Variants in FHIT observed in about 807,000 individuals in gnomAD.
FHIT encodes the protein bis(5'-adenosyl)-triphosphatase.
FHIT carries 19 observed loss-of-function variants against 17.9 expected under a neutral mutation model. The observed-to-expected ratio is 1.06, with a 90% confidence interval of 0.74 to 1.56. FHIT has a LOEUF of 1.56. FHIT is among the 40% of genes most tolerant of loss of function. The pLI is 0.00. For missense variants in FHIT, 248 were observed against 189.2 expected, an observed-to-expected ratio of 1.31 and a Z score of -1.82; for synonymous variants, 81 against 69.7, an observed-to-expected ratio of 1.16 and a Z score of -0.81.
chr3:60,886,356 C>A (rs1705221953), intron 3 of FHIT, among the ~76,000 whole-genome samples: 1 of 152,174 alleles, frequency 6.6e-6, no homozygotes, highest in African/African-American at 2.4e-5. Flanking sequence ...ATGAGAAGAA[C>A]TTGAAAAACT....
chr3:59,912,034 ACT>A (rs1207242274), intron 8 of FHIT, among the ~76,000 whole-genome samples: 2 of 152,030 alleles, frequency 1.3e-5, no homozygotes, highest in East Asian at 1.9e-4. Context: ...TCTGTTTCTT[ACT>A]CTCTCTGTGT....
intron 8 of FHIT, among the ~76,000 whole-genome samples, chr3:59,844,479 T>G (rs1353134631): frequency 6.6e-6 from 1 of 151,756 alleles, no homozygotes; most frequent in African/African-American, 2.4e-5. Flanking sequence ...CTTTTCCTAG[T>G]TTGTTGAGTG....
At chr3:60,454,384 C>CA (rs2031949276) in intron 5 of FHIT, among the ~76,000 whole-genome samples, 2 of 144,152 alleles carry the variant, frequency 1.4e-5, no homozygotes, top group South Asian at 4.4e-4. Flanking sequence ...TTTAACCAAA[C>CA]TTTTTTTTTT....
rs570151516 is a variant in FHIT at position 60,085,355 on chromosome 3, T to G, written c.104-71203A>C. Among the ~76,000 whole-genome samples, 3 of 152,232 alleles carry G rather than the reference T, an allele frequency of 2.0e-5. No homozygotes were observed. In the South Asian group the frequency reaches 6.2e-4, roughly 32 times the overall value. On this transcript the variant is annotated intron_variant, in intron 5 of 9. Coordinates refer to ENST00000492590, the MANE Select transcript of FHIT (RefSeq NM_002012.4). ...GGCCCTACTACATCCTTTGCTTGGG[T>G]TTTTTTCCATATGACATCATTCTAC...
chr3:59,997,621 A>T (rs1200367405), intron 7 of FHIT, among the ~76,000 whole-genome samples: 3 of 152,194 alleles, frequency 2.0e-5, no homozygotes, highest in Admixed American at 6.5e-5. Flanking sequence ...GTGAACCTTA[A>T]AAACTAATGT....
chr3:59,899,549 G>C (rs1704229523), intron 8 of FHIT, among the ~76,000 whole-genome samples: 2 of 152,086 alleles, frequency 1.3e-5, no homozygotes, highest in South Asian at 4.1e-4. Flanking sequence ...ATCAGCTATT[G>C]TAGGCCAGGC....
intron 7 of FHIT, among the ~76,000 whole-genome samples, chr3:59,925,309 T>C (rs957894891): frequency 1.3e-5 from 2 of 152,140 alleles, no homozygotes; most frequent in Non-Finnish European, 2.9e-5. Context: ...TCTCACTATG[T>C]TGCCCAGTCT....
At chr3:60,059,831 A>G (rs917618714) in intron 5 of FHIT, among the ~76,000 whole-genome samples, 2 of 152,182 alleles carry the variant, frequency 1.3e-5, no homozygotes, top group African/African-American at 4.8e-5. Flanking sequence ...TAGCTTTGCA[A>G]TAAGTTTACC....
chr3:61,177,359 GC>G (rs1193933803), intron 2 of FHIT, among the ~76,000 whole-genome samples: 1 of 152,026 alleles, frequency 6.6e-6, no homozygotes, highest in Non-Finnish European at 1.5e-5. Flanking sequence ...ACAAGGGAAG[GC>G]ATGTAAAAAT....
At chr3:60,100,773 G>A (rs975594374) in intron 5 of FHIT, among the ~76,000 whole-genome samples, 1 of 152,122 alleles carries the variant, frequency 6.6e-6, no homozygotes, top group Non-Finnish European at 1.5e-5. Flanking sequence ...AAACAGTAGA[G>A]TCATGCTGGA....
intron 5 of FHIT, among the ~76,000 whole-genome samples, chr3:60,137,102 C>T (rs1699846908): frequency 6.6e-6 from 1 of 152,150 alleles, no homozygotes; most frequent in Non-Finnish European, 1.5e-5. Flanking sequence ...TAAGAACTAA[C>T]AAATCATTAC....
At position 60,702,733 on chromosome 3, in the gene FHIT, A is replaced by C. The variant is rs140222704; in HGVS notation, c.-18+119186T>G. On this transcript the variant is annotated intron_variant, in intron 4 of 9. Transcript: ENST00000492590. Reference sequence around the variant, plus strand: ...TTTTTGTTTGATTACAACAAGCAGAACCCATAACACAGTGCTAAGTAACAG... The same window carrying C: ...TTTTTGTTTGATTACAACAAGCAGACCCCATAACACAGTGCTAAGTAACAG... 4.4e-4 allele frequency among the ~76,000 whole-genome samples: 67 copies of C among 152,220 alleles called. 1 individual carries two copies. Among genetic ancestry groups the C allele is most frequent in the African/African-American group, 1.6e-3 (65 of 41,548 alleles).
chr3:60,170,133 C>T (rs950888288), intron 5 of FHIT, among the ~76,000 whole-genome samples: 3 of 152,080 alleles, frequency 2.0e-5, no homozygotes, highest in South Asian at 4.1e-4. Context: ...CTTTCCTGTG[C>T]GAGTTGGTCC....
At chr3:60,138,625 G>C (rs1478721186) in intron 5 of FHIT, among the ~76,000 whole-genome samples, 1 of 152,072 alleles carries the variant, frequency 6.6e-6, no homozygotes, top group Non-Finnish European at 1.5e-5. Context: ...CTATCTCCAA[G>C]TTTTGGATAG....
At chr3:60,921,129 G>C (rs782753544) in intron 3 of FHIT, among the ~76,000 whole-genome samples, 2 of 152,162 alleles carry the variant, frequency 1.3e-5, no homozygotes, top group African/African-American at 2.4e-5. Flanking sequence ...GCTAAGACTT[G>C]AAAGGCAAAC....
intron 5 of FHIT, among the ~76,000 whole-genome samples, chr3:60,373,829 G>C (rs1367964070): frequency 6.6e-6 from 1 of 152,168 alleles, no homozygotes; most frequent in Admixed American, 6.5e-5. Context: ...AACAGCTCTA[G>C]TAGCCATGGA....
chr3:60,057,684 A>C lies in FHIT; in HGVS notation c.104-43532T>G, dbSNP rs570730905. ...GTTCCTTCCTCAGGAAATGACCTTC[A>C]GGCCTCTCGAAAAAAAAAAAAAAGT... On this transcript the variant is annotated intron_variant, in intron 5 of 9. Transcript: ENST00000492590. Among the ~76,000 whole-genome samples the C allele has an allele frequency of 5.9e-5, 9 of 151,338 alleles. No homozygotes were observed. The East Asian group carries it at 1.7e-3, about 29-fold the overall frequency.
At chr3:60,931,645 C>T (rs577642414) in intron 3 of FHIT, among the ~76,000 whole-genome samples, 1 of 152,258 alleles carries the variant, frequency 6.6e-6, no homozygotes, top group East Asian at 1.9e-4. Context: ...CCCCAGGGAG[C>T]ACCTGTAAAA....
At chr3:60,599,408 T>A (rs1553667956) in intron 4 of FHIT, among the ~76,000 whole-genome samples, 1 of 152,146 alleles carries the variant, frequency 6.6e-6, no homozygotes, top group Non-Finnish European at 1.5e-5. Flanking sequence ...CCAGTGAGTT[T>A]TGCATGAAGG....
Sources: gnomAD v4.1 joint callset for allele counts (sites outside exome capture counted in the v4.1 genomes callset) on GRCh38, gnomAD v4.1.1 for gene constraint, MANE v1.5 for transcripts, NCBI Gene and HGNC (gene_info 2026-07-23, HGNC 2026-07-21) for gene names.